The following PAX5 variants were observed in gnomAD, a reference collection of about 807,000 sequenced individuals.
PAX5 encodes the protein paired box 5.
PAX5 carries 9 observed loss-of-function variants against 43.7 expected under a neutral mutation model. The ratio of observed to expected loss-of-function variants is 0.21; its 90% CI spans 0.12 to 0.36. The LOEUF is 0.36. Among genes scored for constraint, PAX5 ranks in the 10% least tolerant of loss-of-function variants. PAX5 has a pLI of 1.00. For synonymous variants in PAX5, 228 were observed against 214.3 expected, an observed-to-expected ratio of 1.06 and a Z score of -0.56; for missense variants, 383 against 532.7, an observed-to-expected ratio of 0.72 and a Z score of 2.77.
At chr9:36,924,254 C>G (rs1830407493) in intron 6 of PAX5, among the ~76,000 whole-genome samples, 1 of 152,180 alleles carries the variant, frequency 6.6e-6, no homozygotes, top group African/African-American at 2.4e-5. Context: ...TTCACGAAAT[C>G]AGAGTTTGCA....
intron 6 of PAX5, among the ~76,000 whole-genome samples, chr9:36,937,515 T>A (rs957870938): frequency 1.3e-5 from 2 of 152,224 alleles, no homozygotes; most frequent in Non-Finnish European, 2.9e-5. Context: ...TTTACTCTGA[T>A]TGTAAACTGC....
At chr9:36,914,379 C>T (rs1363806753) in intron 7 of PAX5, among the ~76,000 whole-genome samples, 2 of 152,178 alleles carry the variant, frequency 1.3e-5, no homozygotes. Flanking sequence ...TGTAAAATCA[C>T]GCTGGCAGGA....
intron 7 of PAX5, among the ~76,000 whole-genome samples, chr9:36,915,252 T>C (rs575880706): frequency 1.3e-5 from 2 of 152,354 alleles, no homozygotes; most frequent in East Asian, 3.9e-4. Flanking sequence ...CCAGTACGTG[T>C]AGCTCTAAAA....
intron 8 of PAX5, among the ~76,000 whole-genome samples, chr9:36,853,068 T>C (rs1823319042): frequency 6.6e-6 from 1 of 152,226 alleles, no homozygotes; most frequent in South Asian, 2.1e-4. Flanking sequence ...CTACCATCAA[T>C]GTTTTCTTAT....
chr9:37,034,070 G>GTGCCTTTTTTTTTCTTTT lies in PAX5; in HGVS notation c.-40_-39insAAAAGAAAAAAAAAGGCA. 1 of 488,334 alleles carries GTGCCTTTTTTTTTCTTTT rather than the reference G, an allele frequency of 2.0e-6. No individual in the cohort carries two copies. The highest frequency in any genetic ancestry group is 2.3e-5 in the South Asian group (1 of 44,246). The allele number at this position is 488,334 out of a possible 1,614,324, so 30.3% of individuals were successfully genotyped here. On this transcript the variant is annotated 5_prime_UTR_variant, in exon 1 of 10. Transcript: ENST00000358127. ...GACTTGATGGAATGGACAGGGAAAA[G>GTGCCTTTTTTTTTCTTTT]TTTCCACTTTTTTGTGCCTTTTTTT...
At chr9:36,846,587 CCT>C (rs1452318446) in intron 9 of PAX5, among the ~76,000 whole-genome samples, 3 of 152,166 alleles carry the variant, frequency 2.0e-5, no homozygotes, top group Non-Finnish European at 2.9e-5. Context: ...CCCCTTTTTT[CCT>C]CTGTTTCCCT....
chr9:36,867,906 G>A (rs1231406553), intron 8 of PAX5, among the ~76,000 whole-genome samples: 5 of 152,136 alleles, frequency 3.3e-5, no homozygotes, highest in African/African-American at 9.7e-5. Flanking sequence ...AGGACATCTG[G>A]GCTTCGCGGG....
At chr9:36,975,020 C>G (rs995802803) in intron 5 of PAX5, among the ~76,000 whole-genome samples, 2 of 152,208 alleles carry the variant, frequency 1.3e-5, no homozygotes, top group African/African-American at 4.8e-5. Context: ...AAAGCTGCCT[C>G]CTCTCTGAAG....
chr9:37,004,957 G>A (rs1838261216), intron 4 of PAX5, among the ~76,000 whole-genome samples: 2 of 152,342 alleles, frequency 1.3e-5, no homozygotes, highest in African/African-American at 4.8e-5. Context: ...GGGGCTATAT[G>A]TATGCGAGAT....
intron 8 of PAX5, among the ~76,000 whole-genome samples, chr9:36,857,598 A>C (rs1273264966): frequency 6.6e-6 from 1 of 152,206 alleles, no homozygotes; most frequent in African/African-American, 2.4e-5. Context: ...AAGTGGCTGC[A>C]ATGTGGGCTT....
chr9:36,848,634 G>A (rs984113348), intron 8 of PAX5, among the ~76,000 whole-genome samples: 1 of 152,122 alleles, frequency 6.6e-6, no homozygotes, highest in African/African-American at 2.4e-5. Flanking sequence ...CCTCCCCTCG[G>A]GACTCTGAGC....
chr9:36,983,607 A>G (rs7045954), intron 5 of PAX5, among the ~76,000 whole-genome samples: 114,325 of 152,050 alleles, frequency 0.75, 43,130 homozygotes, highest in South Asian at 0.88. Context: ...GAAACATTGG[A>G]TTGATATGAT....
At chr9:36,913,124 GA>G (rs1427101368) in intron 7 of PAX5, among the ~76,000 whole-genome samples, 2 of 152,222 alleles carry the variant, frequency 1.3e-5, no homozygotes, top group African/African-American at 4.8e-5. Flanking sequence ...GAACCTGAGG[GA>G]TACTGCAAAT....
intron 5 of PAX5, among the ~76,000 whole-genome samples, chr9:36,996,911 G>A (rs1308779421): frequency 6.6e-6 from 1 of 152,200 alleles, no homozygotes; most frequent in Non-Finnish European, 1.5e-5. Context: ...GAGAGAGTGT[G>A]TGTGTGAGAG....
intron 6 of PAX5, among the ~76,000 whole-genome samples, chr9:36,952,252 T>TTTTC (rs1833072042): frequency 7.0e-6 from 1 of 143,784 alleles, no homozygotes; most frequent in Non-Finnish European, 1.5e-5. Flanking sequence ...TTTTTTTTTT[T>TTTTC]TTTTTGAGAC....
In PAX5 at chr9:37,033,994, C is replaced by T. The variant is rs1249107807; in HGVS notation, c.38G>A (p.Ser13Asn). 1.2e-6 allele frequency: 2 copies of T among 1,610,424 alleles called. No individual in the cohort carries two copies. The highest frequency in any genetic ancestry group is 1.7e-6 in the Non-Finnish European group (2 of 1,179,178). ...LEKNYPTPRT[S>N]RTGHGGVNQL... ...CCGTATCGCGGTCCTACCTGTCCTG[C>T]TGGTCCGAGGAGTCGGATAATTTTT... Residue 13 changes from serine to asparagine, a missense_variant, in exon 1 of 10, where the codon AGC becomes AAC. Ser to Asn is a conservative substitution (Grantham distance 46). Transcript: ENST00000358127.
At chr9:36,983,333 A>T (rs1483209432) in intron 5 of PAX5, among the ~76,000 whole-genome samples, 1 of 152,220 alleles carries the variant, frequency 6.6e-6, no homozygotes, top group Non-Finnish European at 1.5e-5. Context: ...AGCTGTCCAC[A>T]TTTATAGCTG....
Position 37,034,086 on chromosome 9 carries a change from G to A in PAX5, c.-55C>T. ...CAGGGAAAAGTTTCCACTTTTTTGT[G>A]CCTTTTTTTTTCTTTTTTTTTTTTT... On this transcript the variant is annotated 5_prime_UTR_variant, in exon 1 of 10. Coordinates refer to ENST00000358127, the MANE Select transcript of PAX5 (RefSeq NM_016734.3). 1.6e-6 allele frequency: 1 copy of A among 631,452 alleles called. No homozygotes were observed. The highest frequency in any genetic ancestry group is 2.4e-6 in the Non-Finnish European group (1 of 410,208). The allele number at this position is 631,452 out of a possible 1,614,324, so 39.1% of individuals were successfully genotyped here. A position where few individuals can be genotyped will look rare whatever the true frequency, so the allele number is the denominator to read the frequency against.
At chr9:36,903,936 T>C (rs1431026697) in intron 7 of PAX5, among the ~76,000 whole-genome samples, 1 of 152,186 alleles carries the variant, frequency 6.6e-6, no homozygotes. Context: ...ATGAGAATAG[T>C]GTGGCTTAGA....
Sources: gnomAD v4.1 joint callset for allele counts (sites outside exome capture counted in the v4.1 genomes callset) on GRCh38, gnomAD v4.1.1 for gene constraint, MANE v1.5 for transcripts, NCBI Gene and HGNC (gene_info 2026-07-23, HGNC 2026-07-21) for gene names.